Variants in NRG3 observed in about 807,000 individuals in gnomAD.
NRG3 encodes neuregulin 3.
NRG3 carries 31 observed loss-of-function variants against 66.9 expected under a neutral mutation model. That is an observed-to-expected ratio of 0.46 (90% CI 0.35 to 0.63). The LOEUF is 0.63. Ranked by LOEUF, NRG3 falls within the 20% of genes least tolerant of loss-of-function variation. The pLI, the probability that NRG3 is intolerant of heterozygous loss-of-function variation, is 0.00. For synonymous variants in NRG3, 393 were observed against 359.4 expected (o/e 1.09, Z -1.06); for missense variants, 910 against 878.9 (o/e 1.04, Z -0.45).
At chr10:81,941,801 A>G (rs868340749) in intron 1 of NRG3, among the ~76,000 whole-genome samples, 2 of 152,098 alleles carry the variant, frequency 1.3e-5, no homozygotes, top group East Asian at 1.9e-4. Flanking sequence ...GTAAACAGAC[A>G]TACTGTGGGT....
intron 1 of NRG3, among the ~76,000 whole-genome samples, chr10:82,187,653 G>C (rs1050116044): frequency 1.3e-5 from 2 of 152,038 alleles, no homozygotes; most frequent in Non-Finnish European, 2.9e-5. Flanking sequence ...CTCCTTTGTT[G>C]ATTTTCTTAC....
intron 2 of NRG3, among the ~76,000 whole-genome samples, chr10:82,538,354 C>T (rs745338272): frequency 2.6e-5 from 4 of 152,176 alleles, no homozygotes; most frequent in Non-Finnish European, 5.9e-5. Context: ...TAAATCATTT[C>T]TGATTGTATT....
chr10:82,216,280 CT>C (rs899137307), intron 1 of NRG3, among the ~76,000 whole-genome samples: 5 of 150,050 alleles, frequency 3.3e-5, no homozygotes, highest in Admixed American at 1.3e-4. Context: ...TGCGCCTGGC[CT>C]TTTTTTTTAT....
intron 2 of NRG3, among the ~76,000 whole-genome samples, chr10:82,733,383 T>G (rs1454385215): frequency 6.6e-6 from 1 of 152,192 alleles, no homozygotes; most frequent in Non-Finnish European, 1.5e-5. Context: ...CCATCTCATT[T>G]TTTTGGGGGG....
intron 1 of NRG3, among the ~76,000 whole-genome samples, chr10:82,182,600 T>G (rs2133241199): frequency 1.3e-5 from 2 of 152,084 alleles, no homozygotes; most frequent in African/African-American, 2.4e-5. Flanking sequence ...TAGTATATTT[T>G]TATAGTTATT....
chr10:82,094,000 C>A lies in NRG3; in HGVS notation c.823+217837C>A, dbSNP rs187561149. Among the ~76,000 whole-genome samples, 9 of 152,266 alleles carry A rather than the reference C, an allele frequency of 5.9e-5. No homozygotes were observed. The East Asian group carries it at 1.5e-3, about 26-fold the overall frequency. Reference sequence around the variant, plus strand: ...AGCCTCTTCATAGTTAACAAAGAGACATTAACCTTCTGCTTTGTAAACTCC... The same window carrying A: ...AGCCTCTTCATAGTTAACAAAGAGAAATTAACCTTCTGCTTTGTAAACTCC... On this transcript the variant is annotated intron_variant, in intron 1 of 8. Coordinates refer to ENST00000372141, the MANE Select transcript of NRG3 (RefSeq NM_001010848.4).
At chr10:82,394,727 A>C (rs945346341) in intron 2 of NRG3, among the ~76,000 whole-genome samples, 1 of 152,242 alleles carries the variant, frequency 6.6e-6, no homozygotes, top group African/African-American at 2.4e-5. Context: ...TTACAAATTG[A>C]TTTTAATTAA....
chr10:82,485,931 A>G (rs1842644166), intron 2 of NRG3, among the ~76,000 whole-genome samples: 1 of 152,186 alleles, frequency 6.6e-6, no homozygotes, highest in African/African-American at 2.4e-5. Flanking sequence ...AATGTAAGAA[A>G]CTTCTACAAC....
At chr10:82,044,982 T>A (rs1444612859) in intron 1 of NRG3, among the ~76,000 whole-genome samples, 1 of 151,734 alleles carries the variant, frequency 6.6e-6, no homozygotes, top group Non-Finnish European at 1.5e-5. Flanking sequence ...GACATTTGGG[T>A]TGGTTCCAAG....
chr10:82,575,921 G>T (rs676826), intron 2 of NRG3, among the ~76,000 whole-genome samples: 12,522 of 151,722 alleles, frequency 0.083, 613 homozygotes, highest in East Asian at 0.15. Flanking sequence ...TAAATGAATG[G>T]ATTTCTGGGT....
intron 2 of NRG3, among the ~76,000 whole-genome samples, chr10:82,426,899 C>T (rs1344818649): frequency 6.6e-6 from 1 of 152,082 alleles, no homozygotes; most frequent in Non-Finnish European, 1.5e-5. Context: ...AATTCATCCA[C>T]CTCAGCCTCC....
At chr10:82,571,540 T>A (rs1405910634) in intron 2 of NRG3, among the ~76,000 whole-genome samples, 1 of 151,662 alleles carries the variant, frequency 6.6e-6, no homozygotes, top group Non-Finnish European at 1.5e-5. Flanking sequence ...CATACTACTG[T>A]TGTGAATTTA....
intron 1 of NRG3, among the ~76,000 whole-genome samples, chr10:81,990,009 T>C (rs1286949381): frequency 2.0e-5 from 3 of 152,178 alleles, no homozygotes; most frequent in Non-Finnish European, 4.4e-5. Flanking sequence ...AGATCATGTA[T>C]GAAACTTAAG....
intron 1 of NRG3, among the ~76,000 whole-genome samples, chr10:81,900,298 G>A (rs552369402): frequency 1.5e-5 from 1 of 66,906 alleles, no homozygotes; most frequent in Non-Finnish European, 2.2e-5. Context: ...ACAGGCATGA[G>A]CCAATGCGCC....
chr10:82,891,347 A>C (rs968443822), intron 4 of NRG3, among the ~76,000 whole-genome samples: 1 of 151,924 alleles, frequency 6.6e-6, no homozygotes, highest in Non-Finnish European at 1.5e-5. Context: ...ATACAAATTT[A>C]TAGTTTGAAA....
intron 1 of NRG3, among the ~76,000 whole-genome samples, chr10:81,991,974 A>G (rs1374464270): frequency 6.6e-6 from 1 of 152,118 alleles, no homozygotes; most frequent in East Asian, 1.9e-4. Flanking sequence ...ATTGAGACAA[A>G]GTGTCATGCT....
rs570615087 is a variant in NRG3, at chr10:82,521,442, G to T, written c.953+162574G>T. Among the ~76,000 whole-genome samples, 2 of 151,890 alleles carry T rather than the reference G, an allele frequency of 1.3e-5. 1 individual carries two copies. Among genetic ancestry groups the T allele is most frequent in the Admixed American group, 1.3e-4 (2 of 15,266 alleles). ...TGCAAGCCCTGTCTCCCGGGTTCAC[G>T]CCATTCTCCTGCCTCAGTCTCCCGA... On this transcript the variant is annotated intron_variant, in intron 2 of 8. Transcript: ENST00000372141.
chr10:82,636,869 T>G (rs2050236172), intron 2 of NRG3, among the ~76,000 whole-genome samples: 1 of 151,742 alleles, frequency 6.6e-6, no homozygotes, highest in Non-Finnish European at 1.5e-5. Flanking sequence ...TGTGTGTGTG[T>G]TTGAGATAGA....
intron 1 of NRG3, among the ~76,000 whole-genome samples, chr10:82,346,688 C>G (rs2083046477): frequency 6.6e-6 from 1 of 150,938 alleles, no homozygotes; most frequent in Non-Finnish European, 1.5e-5. Flanking sequence ...GTGAATCCAT[C>G]TGGTCCTGGA....
Sources: allele counts gnomAD v4.1 joint callset (sites outside exome capture counted in the v4.1 genomes callset), GRCh38; gene constraint gnomAD v4.1.1; transcripts MANE v1.5; gene names NCBI Gene and HGNC (gene_info 2026-07-23, HGNC 2026-07-21).